Variants in KAT2B observed in about 807,000 individuals in gnomAD.
KAT2B encodes the protein histone acetyltransferase KAT2B.
In KAT2B, 36 loss-of-function variants were observed where a neutral mutation model predicts 105.9. The ratio of observed to expected loss-of-function variants is 0.34; its 90% confidence interval spans 0.26 to 0.45. The LOEUF is 0.45. Among genes scored for constraint, KAT2B ranks in the 20% least tolerant of loss-of-function variants. KAT2B has a pLI of 1.00. For synonymous variants in KAT2B, 397 were observed against 377.9 expected, an observed-to-expected ratio of 1.05 and a Z score of -0.59; for missense variants, 820 against 1,021.6, an observed-to-expected ratio of 0.80 and a Z score of 2.69.
intron 2 of KAT2B, among the ~76,000 whole-genome samples, chr3:20,081,781 C>T (rs1253246117): frequency 6.6e-6 from 1 of 151,590 alleles, no homozygotes. Flanking sequence ...TAAAAATTTA[C>T]ATAAAAGTCA....
chr3:20,098,278 A>G (rs928685832), intron 3 of KAT2B, among the ~76,000 whole-genome samples: 7 of 152,044 alleles, frequency 4.6e-5, no homozygotes, highest in Admixed American at 4.6e-4. Flanking sequence ...CATAAACCCA[A>G]TGGAAAGCTG....
At chr3:20,074,946 G>A (rs9851449) in intron 2 of KAT2B, among the ~76,000 whole-genome samples, 80,509 of 152,076 alleles carry the variant, frequency 0.53, 22,681 homozygotes, top group African/African-American at 0.73. Context: ...TCATGAGTAT[G>A]ATCCCATTTT....
At chr3:20,103,811 T>A (rs893382287) in intron 5 of KAT2B, among the ~76,000 whole-genome samples, 2 of 152,104 alleles carry the variant, frequency 1.3e-5, no homozygotes, top group Non-Finnish European at 2.9e-5. Context: ...AAATGGAAAT[T>A]GGTTTGGATG....
rs747953794 is a variant in KAT2B, at chr3:20,148,313, G to A, written c.2220+7G>A. 2.5e-6 allele frequency: 4 copies of A among 1,613,434 alleles called. No homozygotes were observed. In the South Asian group the frequency reaches 4.4e-5, roughly 18 times the overall value. ...CATCCTCCAGCAGGTGAAGGTGGGTGTCCTCTTTATTCACCTCATGCAAAT... is the reference window on the plus strand; with the variant it reads ...CATCCTCCAGCAGGTGAAGGTGGGTATCCTCTTTATTCACCTCATGCAAAT... On this transcript the variant is annotated splice_region_variant and intron_variant, in intron 16 of 17. Transcript: ENST00000263754.
At chr3:20,057,064 T>TTGGC (rs1392712707) in intron 1 of KAT2B, among the ~76,000 whole-genome samples, 2 of 152,142 alleles carry the variant, frequency 1.3e-5, no homozygotes, top group African/African-American at 4.8e-5. Flanking sequence ...TTTCTTCTAG[T>TTGGC]TGGCTGATAA....
At chr3:20,128,605 G>A (rs1444154158) in intron 11 of KAT2B, among the ~76,000 whole-genome samples, 3 of 152,084 alleles carry the variant, frequency 2.0e-5, no homozygotes, top group African/African-American at 7.2e-5. Context: ...TCGCAGTCTG[G>A]CGAGAATAAA....
At chr3:20,077,540 A>C (rs925136804) in intron 2 of KAT2B, among the ~76,000 whole-genome samples, 7 of 152,248 alleles carry the variant, frequency 4.6e-5, no homozygotes, top group African/African-American at 1.7e-4. Context: ...AAATACACAC[A>C]GTTTTTGAAG....
At chr3:20,121,873 C>T (rs1002548075) in intron 8 of KAT2B, among the ~76,000 whole-genome samples, 1 of 151,618 alleles carries the variant, frequency 6.6e-6, no homozygotes, top group Non-Finnish European at 1.5e-5. Flanking sequence ...AAATCAGCCA[C>T]CCATCAGGAA....
At chr3:20,080,853 A>G (rs1399260533) in intron 2 of KAT2B, among the ~76,000 whole-genome samples, 1 of 152,258 alleles carries the variant, frequency 6.6e-6, no homozygotes, top group African/African-American at 2.4e-5. Context: ...ACTTTGGTAT[A>G]TATTAGGTTA....
chr3:20,071,042 G>C (rs771381627), intron 1 of KAT2B, among the ~76,000 whole-genome samples: 18 of 150,766 alleles, frequency 1.2e-4, no homozygotes, highest in Non-Finnish European at 2.5e-4. Flanking sequence ...TTGGATAACT[G>C]TATTACAAAA....
In KAT2B at chr3:20,099,773, G is replaced by C. The variant is rs41285057; in HGVS notation, c.577-89G>C. ...TGTGTGTGTGTAAGAGAGAGAGAGAGAGACAGACAGAAACAGAAGAGAGAG... is the reference window on the plus strand; with the variant it reads ...TGTGTGTGTGTAAGAGAGAGAGAGACAGACAGACAGAAACAGAAGAGAGAG... On this transcript the variant is annotated intron_variant, in intron 3 of 17. Coordinates refer to ENST00000263754, the MANE Select transcript of KAT2B (RefSeq NM_003884.5). 121,557 of 669,416 alleles carry C rather than the reference G, an allele frequency of 0.18. 12,254 individuals carry two copies. Among genetic ancestry groups the C allele is most frequent in the Middle Eastern group, 0.23 (546 of 2,398 alleles). The allele number at this position is 669,416 out of a possible 1,614,324, so 41.5% of individuals were successfully genotyped here. A position where few individuals can be genotyped will look rare whatever the true frequency, so the allele number is the denominator to read the frequency against.
chr3:20,150,055 G>A (rs1474685649), intron 17 of KAT2B, among the ~76,000 whole-genome samples: 1 of 152,130 alleles, frequency 6.6e-6, no homozygotes, highest in Non-Finnish European at 1.5e-5. Context: ...AAAGTGTTTT[G>A]CTTGGTCCCA....
At chr3:20,069,524 CTTTTCTT>C (rs1200991756) in intron 1 of KAT2B, among the ~76,000 whole-genome samples, 1,445 of 144,334 alleles carry the variant, frequency 0.01, 9 homozygotes, top group Non-Finnish European at 0.013. Flanking sequence ...CTTTTCTTTT[CTTTTCTT>C]TTTTTTTTTT....
Position 20,140,184 on chromosome 3 carries a change from T to C in KAT2B, c.1861-37T>C, listed in dbSNP as rs3762633. 232,013 of 1,324,046 alleles carry C rather than the reference T, an allele frequency of 0.18. 34,897 individuals carry two copies. Among genetic ancestry groups the C allele is most frequent in the East Asian group, 0.62 (27,028 of 43,464 alleles). 82.0% of individuals were successfully genotyped at this position (1,324,046 alleles called of 1,614,324 possible). A position where few individuals can be genotyped will look rare whatever the true frequency, so the allele number is the denominator to read the frequency against. ...GTTAGCACTCAGTAGATATTTGGTG[T>C]ATGGTGTTCATATGAATGAATTTAC... On this transcript the variant is annotated intron_variant, in intron 12 of 17. Transcript: ENST00000263754.
intron 12 of KAT2B, among the ~76,000 whole-genome samples, chr3:20,138,950 G>T (rs2125190478): frequency 6.6e-6 from 1 of 152,240 alleles, no homozygotes; most frequent in South Asian, 2.1e-4. Context: ...CTGGAGTGCT[G>T]TGGCATGATC....
At chr3:20,063,650 C>T (rs1698177112) in intron 1 of KAT2B, among the ~76,000 whole-genome samples, 1 of 145,886 alleles carries the variant, frequency 6.9e-6, no homozygotes, top group Non-Finnish European at 1.5e-5. Flanking sequence ...TCAAGCAATT[C>T]TCCTGCCTCA....
At chr3:20,096,640 A>G (rs1698816128) in intron 3 of KAT2B, among the ~76,000 whole-genome samples, 1 of 152,136 alleles carries the variant, frequency 6.6e-6, no homozygotes, top group Non-Finnish European at 1.5e-5. Flanking sequence ...CAACTCATTT[A>G]TATTTATTTG....
intron 1 of KAT2B, among the ~76,000 whole-genome samples, chr3:20,069,331 G>C (rs1215401174): frequency 6.6e-6 from 1 of 152,082 alleles, no homozygotes; most frequent in Non-Finnish European, 1.5e-5. Flanking sequence ...TGGTAGATCA[G>C]GGCTGGTTTT....
intron 7 of KAT2B, among the ~76,000 whole-genome samples, chr3:20,115,511 G>A (rs1486663528): frequency 1.3e-5 from 2 of 152,182 alleles, no homozygotes; most frequent in East Asian, 1.9e-4. Context: ...AAATTTTGAC[G>A]TCAAGAGTTT....
Sources: gnomAD v4.1 joint callset for allele counts (sites outside exome capture counted in the v4.1 genomes callset) on GRCh38, gnomAD v4.1.1 for gene constraint, MANE v1.5 for transcripts, NCBI Gene and HGNC (gene_info 2026-07-23, HGNC 2026-07-21) for gene names.